SDK1: variants seen among roughly 807,000 people sequenced by gnomAD.
SDK1 encodes the protein sidekick cell adhesion molecule 1.
Under a neutral mutation model 245.5 loss-of-function variants are expected in SDK1, and 157 were observed. The ratio of observed to expected loss-of-function variants is 0.64; its 90% confidence interval spans 0.56 to 0.73. SDK1 has a LOEUF of 0.73. SDK1 is among the 30% of genes least tolerant of loss of function. The probability of loss-of-function intolerance (pLI) is 0.00; values close to 1 mark genes in which losing one functional copy is unlikely to be tolerated. For synonymous variants in SDK1, 1,647 were observed against 1,278.5 expected (o/e 1.29, Z -6.15); for missense variants, 3,583 against 3,002.3 (o/e 1.19, Z -4.52).
At chr7:3,925,188 G>A (rs1779725987) in intron 5 of SDK1, among the ~76,000 whole-genome samples, 1 of 152,058 alleles carries the variant, frequency 6.6e-6, no homozygotes, top group Non-Finnish European at 1.5e-5. Flanking sequence ...AGCCCCAGAT[G>A]GCACCCCCTG....
chr7:3,549,800 G>T (rs1285782456), intron 1 of SDK1, among the ~76,000 whole-genome samples: 1 of 151,952 alleles, frequency 6.6e-6, no homozygotes, highest in African/African-American at 2.4e-5. Context: ...TCTGCTTGTT[G>T]CAGACCAGCT....
chr7:3,969,513 T>A, intron 11 of SDK1, 89 bp downstream of exon 11: 2 of 949,628 alleles, frequency 2.1e-6, no homozygotes, highest in Non-Finnish European at 2.9e-6. Context: ...AGCATGCCCT[T>A]GGGCTTGCTA....
chr7:4,132,497 G>C, intron 28 of SDK1, 74 bp downstream of exon 28: 1 of 1,082,642 alleles, frequency 9.2e-7, no homozygotes. Flanking sequence ...CGAGGCAGGT[G>C]GTTTGCTTGA....
intron 1 of SDK1, among the ~76,000 whole-genome samples, chr7:3,355,817 C>T (rs1403543708): frequency 3.3e-5 from 5 of 152,180 alleles, no homozygotes; most frequent in Admixed American, 1.3e-4. Context: ...TATATTCTTA[C>T]CTTCAGATGT....
At chr7:3,521,390 TG>T (rs1264847231) in intron 1 of SDK1, among the ~76,000 whole-genome samples, 1 of 151,688 alleles carries the variant, frequency 6.6e-6, no homozygotes, top group Non-Finnish European at 1.5e-5. Context: ...GGACATCTTT[TG>T]GGGGCCACTC....
At position 4,174,366 on chromosome 7, in the gene SDK1, G is replaced by A. The variant is rs1404860096; in HGVS notation, c.4936+9G>A. On this transcript the variant is annotated intron_variant, in intron 33 of 44. Coordinates refer to ENST00000404826, the MANE Select transcript of SDK1 (RefSeq NM_152744.4). ...ACATGCTGAGCTCACAGGTGAGACTGTCCCCTCTGTCCTGGTACAGGGAGG... is the reference window on the plus strand; with the variant it reads ...ACATGCTGAGCTCACAGGTGAGACTATCCCCTCTGTCCTGGTACAGGGAGG... 6.2e-7 allele frequency: 1 copy of A among 1,613,356 alleles called. No individual in the cohort carries two copies. The highest frequency in any genetic ancestry group is 2.2e-5 in the East Asian group (1 of 44,862).
intron 4 of SDK1, among the ~76,000 whole-genome samples, chr7:3,644,006 G>A (rs918361366): frequency 7.9e-5 from 12 of 151,128 alleles, no homozygotes; most frequent in African/African-American, 2.7e-4. Context: ...AGGTTCAAGC[G>A]ATTCTCCTGC....
chr7:4,209,834 C>T (rs371061773), intron 37 of SDK1, among the ~76,000 whole-genome samples, 191 bp from the exon 38 acceptor site: 8 of 152,196 alleles, frequency 5.3e-5, no homozygotes, highest in African/African-American at 1.9e-4. Flanking sequence ...TCAGGAGGGT[C>T]TGCGTGTCTG....
intron 14 of SDK1, among the ~76,000 whole-genome samples, chr7:3,998,317 T>C (rs1429690718): frequency 1.3e-5 from 2 of 152,262 alleles, no homozygotes; most frequent in Non-Finnish European, 2.9e-5. Context: ...AGCGGCAGGC[T>C]GTCTAGAGCA....
intron 4 of SDK1, among the ~76,000 whole-genome samples, chr7:3,794,953 A>G (rs772966745): frequency 2.0e-5 from 3 of 151,976 alleles, no homozygotes; most frequent in African/African-American, 7.3e-5. Flanking sequence ...AAAGATCACT[A>G]TTCATGTTGT....
intron 1 of SDK1, among the ~76,000 whole-genome samples, chr7:3,323,381 A>G (rs1399791103): frequency 6.6e-6 from 1 of 152,206 alleles, no homozygotes; most frequent in Non-Finnish European, 1.5e-5. Context: ...TTGAATTTCC[A>G]GAGCTTGCTG....
chr7:3,340,943 T>G (rs1780333101), intron 1 of SDK1, among the ~76,000 whole-genome samples: 1 of 152,020 alleles, frequency 6.6e-6, no homozygotes, highest in South Asian at 2.1e-4. Context: ...AAAGAAGAAT[T>G]AACACCACTT....
chr7:4,116,638 A>T (rs1378066604), intron 25 of SDK1, among the ~76,000 whole-genome samples: 1 of 152,236 alleles, frequency 6.6e-6, no homozygotes, highest in Non-Finnish European at 1.5e-5. Flanking sequence ...ACCAGCACCA[A>T]GCCAAAGCTC....
intron 14 of SDK1, among the ~76,000 whole-genome samples, chr7:3,997,585 G>A (rs187933116): frequency 2.2e-4 from 33 of 152,352 alleles, no homozygotes; most frequent in South Asian, 4.1e-4. Context: ...GCTCTCAGCA[G>A]AGGGTAGCTC....
chr7:3,634,738 ACTTT>A (rs1335838621), intron 2 of SDK1, among the ~76,000 whole-genome samples: 1 of 152,182 alleles, frequency 6.6e-6, no homozygotes, highest in Non-Finnish European at 1.5e-5. Flanking sequence ...GGACTTTGCA[ACTTT>A]CTTCATATTT....
chr7:4,101,953 A>G (rs1782579768), intron 22 of SDK1, among the ~76,000 whole-genome samples: 1 of 152,128 alleles, frequency 6.6e-6, no homozygotes, highest in African/African-American at 2.4e-5. Flanking sequence ...GCTCAGGATC[A>G]GGGAACAAAG....
In SDK1 at chr7:4,191,722, G is replaced by A. The variant is rs532058264; in HGVS notation, c.5098+13136G>A. ...CTGGGGTTGAGTCTGCAAGGGTTAG[G>A]GTCTCCTGTGAGTGGCAGAGCTCAG... On this transcript the variant is annotated intron_variant, in intron 35 of 44. Transcript: ENST00000404826. Among the ~76,000 whole-genome samples, 44 of 152,376 alleles carry A rather than the reference G, an allele frequency of 2.9e-4. No individual in the cohort carries two copies. In the East Asian group the frequency reaches 8.3e-3, roughly 29 times the overall value.
chr7:4,160,401 A>G (rs781031432), intron 31 of SDK1, among the ~76,000 whole-genome samples: 17 of 152,040 alleles, frequency 1.1e-4, no homozygotes, highest in Non-Finnish European at 2.2e-4. Context: ...GCCTCTTCAG[A>G]CTCCAGAGGC....
chr7:3,912,283 A>C (rs1779199135), intron 5 of SDK1, among the ~76,000 whole-genome samples: 1 of 152,146 alleles, frequency 6.6e-6, no homozygotes, highest in Non-Finnish European at 1.5e-5. Flanking sequence ...TTTATTCCAA[A>C]ATTTGCTTTC....
Sources: gnomAD v4.1 joint callset for allele counts (sites outside exome capture counted in the v4.1 genomes callset) on GRCh38, gnomAD v4.1.1 for gene constraint, MANE v1.5 for transcripts, NCBI Gene and HGNC (gene_info 2026-07-23, HGNC 2026-07-21) for gene names.